NELL1: variants seen among roughly 807,000 people sequenced by gnomAD.
NELL1 encodes the protein protein kinase C-binding protein NELL1.
NELL1 carries 76 observed loss-of-function variants against 107.4 expected under a neutral mutation model. The ratio of observed to expected loss-of-function variants is 0.71; its 90% CI spans 0.59 to 0.86. The LOEUF is 0.86. NELL1 is among the 40% of genes least tolerant of loss of function. The probability of loss-of-function intolerance (pLI) is 0.00; values close to 1 mark genes in which losing one functional copy is unlikely to be tolerated. For synonymous variants in NELL1, 353 were observed against 341.2 expected, an observed-to-expected ratio of 1.03 and a Z score of -0.38; for missense variants, 1,024 against 1,005.5, an observed-to-expected ratio of 1.02 and a Z score of -0.25.
chr11:21,169,286 C>A (rs947229523), intron 13 of NELL1, among the ~76,000 whole-genome samples: 1 of 151,712 alleles, frequency 6.6e-6, no homozygotes, highest in African/African-American at 2.4e-5. Context: ...ATTCTAAAGA[C>A]CTAAGGGAGA....
intron 14 of NELL1, among the ~76,000 whole-genome samples, chr11:21,273,502 TC>T (rs1389331656): frequency 6.6e-5 from 10 of 152,178 alleles, no homozygotes; most frequent in African/African-American, 1.9e-4. Context: ...CAGGAGAACT[TC>T]CCCAATCTAG....
chr11:21,037,872 T>C (rs1254375806), intron 12 of NELL1, among the ~76,000 whole-genome samples: 1 of 152,198 alleles, frequency 6.6e-6, no homozygotes, highest in Non-Finnish European at 1.5e-5. Context: ...TTCTGCCTTA[T>C]TGCTGGAAAT....
At chr11:21,207,222 T>C (rs1218893269) in intron 13 of NELL1, among the ~76,000 whole-genome samples, 2 of 152,182 alleles carry the variant, frequency 1.3e-5, no homozygotes, top group African/African-American at 2.4e-5. Flanking sequence ...CTGGACACTT[T>C]TTTGCGTAGT....
chr11:20,825,499 A>T (rs777042379), intron 3 of NELL1, among the ~76,000 whole-genome samples: 1 of 151,414 alleles, frequency 6.6e-6, no homozygotes, highest in Non-Finnish European at 1.5e-5. Flanking sequence ...TGTGACCTGG[A>T]TGTGAGACAT....
At chr11:20,839,828 G>C (rs145179491) in intron 3 of NELL1, among the ~76,000 whole-genome samples, 49 of 152,300 alleles carry the variant, frequency 3.2e-4, no homozygotes, top group Admixed American at 2.7e-3. Flanking sequence ...GAAGTTGAGA[G>C]TACCAGAAGT....
chr11:20,926,020 G>C (rs1850488690), intron 7 of NELL1, among the ~76,000 whole-genome samples: 1 of 152,236 alleles, frequency 6.6e-6, no homozygotes, highest in Non-Finnish European at 1.5e-5. Flanking sequence ...ATCAAAGGTT[G>C]AATTGATCTC....
At chr11:21,307,752 T>C (rs993242592) in intron 14 of NELL1, among the ~76,000 whole-genome samples, 5 of 151,912 alleles carry the variant, frequency 3.3e-5, no homozygotes, top group African/African-American at 1.2e-4. Context: ...AGGCAAAATT[T>C]ATTTATACTC....
At chr11:21,497,427 C>T (rs1055828917) in intron 15 of NELL1, among the ~76,000 whole-genome samples, 2 of 152,066 alleles carry the variant, frequency 1.3e-5, no homozygotes, top group Non-Finnish European at 2.9e-5. Context: ...TTCTGGATAG[C>T]ATATTATTTT....
intron 13 of NELL1, among the ~76,000 whole-genome samples, chr11:21,226,306 G>C (rs556198181): frequency 1.3e-5 from 2 of 152,256 alleles, no homozygotes; most frequent in African/African-American, 4.8e-5. Flanking sequence ...CAGGAAGACA[G>C]TTCGTTGTTG....
At chr11:21,326,068 T>G (rs972249600) in intron 14 of NELL1, among the ~76,000 whole-genome samples, 16 of 99,460 alleles carry the variant, frequency 1.6e-4, no homozygotes, top group Middle Eastern at 4.6e-3. Flanking sequence ...TTTTTTTTTT[T>G]TTTTTTTTTT....
chr11:20,914,824 A>T (rs955866854), intron 5 of NELL1, among the ~76,000 whole-genome samples: 1 of 151,978 alleles, frequency 6.6e-6, no homozygotes, highest in African/African-American at 2.4e-5. Flanking sequence ...TGACCAGGTA[A>T]TCTGGTCCTA....
intron 4 of NELL1, among the ~76,000 whole-genome samples, chr11:20,849,872 C>G (rs1424515610): frequency 6.6e-6 from 1 of 152,082 alleles, no homozygotes; most frequent in Non-Finnish European, 1.5e-5. Flanking sequence ...AATGGATAAC[C>G]AGGCTTTGCC....
At chr11:20,837,873 A>T (rs1241523104) in intron 3 of NELL1, among the ~76,000 whole-genome samples, 1 of 152,146 alleles carries the variant, frequency 6.6e-6, no homozygotes, top group African/African-American at 2.4e-5. Context: ...GTAAAATTCT[A>T]AGTAATTTAT....
chr11:21,062,667 C>T (rs578134948), intron 12 of NELL1, among the ~76,000 whole-genome samples: 2 of 152,248 alleles, frequency 1.3e-5, no homozygotes, highest in East Asian at 1.9e-4. Context: ...GGGCACATTC[C>T]ACGGCAAGAC....
At chr11:21,090,075 T>C (rs1181212000) in intron 12 of NELL1, among the ~76,000 whole-genome samples, 1 of 152,176 alleles carries the variant, frequency 6.6e-6, no homozygotes, top group African/African-American at 2.4e-5. Flanking sequence ...CATCTCTTAT[T>C]GGAGATTAGT....
At chr11:21,391,021 G>T (rs572723202) in intron 15 of NELL1, among the ~76,000 whole-genome samples, 6 of 151,620 alleles carry the variant, frequency 4.0e-5, no homozygotes, top group Non-Finnish European at 7.4e-5. Flanking sequence ...TTATAGAACA[G>T]ATTTTCAATT....
chr11:21,247,253 T>C (rs1166166795), intron 14 of NELL1, among the ~76,000 whole-genome samples: 2 of 152,272 alleles, frequency 1.3e-5, no homozygotes, highest in Non-Finnish European at 2.9e-5. Context: ...AAAATATTTT[T>C]CTTCAATAAT....
intron 15 of NELL1, among the ~76,000 whole-genome samples, chr11:21,511,335 A>G (rs1855428894): frequency 6.6e-6 from 1 of 152,104 alleles, no homozygotes; most frequent in South Asian, 2.1e-4. Context: ...AAGAGTTACT[A>G]TTTGGCTTAT....
At chr11:21,345,205 T>C (rs906191368) in intron 14 of NELL1, among the ~76,000 whole-genome samples, 36 of 152,262 alleles carry the variant, frequency 2.4e-4, no homozygotes, top group African/African-American at 8.4e-4. Context: ...CAAAGGAAGA[T>C]TTAGGGAATG....
Sources: gnomAD v4.1 joint callset for allele counts (sites outside exome capture counted in the v4.1 genomes callset) on GRCh38, gnomAD v4.1.1 for gene constraint, MANE v1.5 for transcripts, NCBI Gene and HGNC (gene_info 2026-07-23, HGNC 2026-07-21) for gene names.